The following RTTN variants were observed in gnomAD, a reference collection of about 807,000 sequenced individuals.
The protein encoded by RTTN is rotatin.
A neutral mutation model predicts 269.2 loss-of-function variants in RTTN; 182 were observed. The ratio of observed to expected loss-of-function variants is 0.68; its 90% confidence interval spans 0.60 to 0.76. RTTN has a LOEUF of 0.76. Ranked by LOEUF, RTTN falls within the 30% of genes least tolerant of loss-of-function variation. The pLI is 0.00. For missense variants in RTTN, 2,545 were observed against 2,608.6 expected, an observed-to-expected ratio of 0.98 and a Z score of 0.53; for synonymous variants, 1,006 against 963.5, an observed-to-expected ratio of 1.04 and a Z score of -0.82.
At chr18:70,012,249 G>C (rs542773626) in intron 46 of RTTN, among the ~76,000 whole-genome samples, 2 of 150,126 alleles carry the variant, frequency 1.3e-5, no homozygotes, top group Non-Finnish European at 3.0e-5. Context: ...CACAGTGTCT[G>C]TTCACTGGTA....
chr18:70,062,302 A>T (rs752604334), intron 35 of RTTN, among the ~76,000 whole-genome samples: 2 of 152,180 alleles, frequency 1.3e-5, no homozygotes, highest in Non-Finnish European at 2.9e-5. Flanking sequence ...CTATACAAGA[A>T]GATACATGCA....
intron 23 of RTTN, among the ~76,000 whole-genome samples, chr18:70,133,649 C>T (rs2060052291): frequency 6.6e-6 from 1 of 151,906 alleles, no homozygotes; most frequent in Non-Finnish European, 1.5e-5. Flanking sequence ...TTATAAAGTT[C>T]AAAAACTAGC....
intron 35 of RTTN, chr18:70,061,235 T>G (rs563952136): frequency 5.2e-6 from 2 of 386,716 alleles, no homozygotes; most frequent in South Asian, 3.9e-5. Flanking sequence ...AAAATACTTT[T>G]AGACTTTAGA....
Position 70,142,346 on chromosome 18 carries a change from A to T in RTTN, c.2523T>A (p.Asp841Glu), listed in dbSNP as rs371829976. ...VEKVYEIFTS[D>E]DVDLVLRKSA... is the part of the protein sequence containing the mutation. ...ACTTTCTCAAAACGAGATCAACATC[A>T]TCTGAGGTGAAGATTTCATATACCT... Residue 841 changes from aspartate (D) to glutamate (E), a missense_variant, in exon 19 of 49, where the codon GAT (aspartate) becomes GAA (glutamate). Transcript: ENST00000640769. 1.2e-5 allele frequency: 19 copies of T among 1,608,190 alleles called. No individual in the cohort carries two copies. The African/African-American group carries it at 2.5e-4, about 22-fold the overall frequency.
At chr18:70,100,726 CTCT>C (rs2059137431) in intron 28 of RTTN, among the ~76,000 whole-genome samples, 1 of 152,140 alleles carries the variant, frequency 6.6e-6, no homozygotes, top group Non-Finnish European at 1.5e-5. Flanking sequence ...TCATAAATAG[CTCT>C]TATTATTGCG....
chr18:70,058,085 A>G (rs2057869232), intron 36 of RTTN, among the ~76,000 whole-genome samples: 1 of 152,228 alleles, frequency 6.6e-6, no homozygotes, highest in Admixed American at 6.5e-5. Flanking sequence ...ATCTAAGGAA[A>G]CCTAATTAAA....
At chr18:70,166,232 T>C (rs1293180573) in intron 13 of RTTN, 44 bp from the exon 14 acceptor site, 1 of 1,605,332 alleles carries the variant, frequency 6.2e-7, no homozygotes. Flanking sequence ...GGCAAGTAAG[T>C]TAGTAAGCAA....
intron 40 of RTTN, among the ~76,000 whole-genome samples, chr18:70,039,468 A>C (rs1325635588): frequency 6.6e-6 from 1 of 152,174 alleles, no homozygotes; most frequent in Non-Finnish European, 1.5e-5. Flanking sequence ...CGATGAAACT[A>C]TCCTTCAAGT....
In RTTN at chr18:70,016,572, G is replaced by A. The variant is rs1196508645; in HGVS notation, c.6421+835C>T. Among the ~76,000 whole-genome samples the A allele has an allele frequency of 3.3e-5, 5 of 152,106 alleles. 1 individual carries two copies. The highest frequency in any genetic ancestry group is 1.2e-4 in the African/African-American group (5 of 41,412). ...GTCTTTTATAAAACTCACTCCCCAC[G>A]AAATTCACATACTCCTCACAGAGAT... On this transcript the variant is annotated intron_variant, in intron 46 of 48. Coordinates refer to ENST00000640769, the MANE Select transcript of RTTN (RefSeq NM_173630.4).
intron 10 of RTTN, among the ~76,000 whole-genome samples, chr18:70,177,652 C>T (rs2061334938): frequency 6.6e-6 from 1 of 151,844 alleles, no homozygotes; most frequent in South Asian, 2.1e-4. Context: ...TTCAATTTTC[C>T]ATTGAAAACA....
intron 14 of RTTN, among the ~76,000 whole-genome samples, chr18:70,157,145 C>T (rs1222881708): frequency 6.6e-6 from 1 of 152,198 alleles, no homozygotes; most frequent in Non-Finnish European, 1.5e-5. Context: ...ATGGTTACCC[C>T]CACCACAAGT....
intron 23 of RTTN, chr18:70,131,732 C>G (rs1395657590): frequency 2.0e-5 from 3 of 151,226 alleles, no homozygotes; most frequent in South Asian, 4.2e-4. Flanking sequence ...AAGTTAACAG[C>G]TGGAAAACAT....
intron 4 of RTTN, among the ~76,000 whole-genome samples, chr18:70,201,357 C>T (rs2061940142): frequency 6.6e-6 from 1 of 152,002 alleles, no homozygotes; most frequent in South Asian, 2.1e-4. Flanking sequence ...AATCCCAGCA[C>T]TTTGGGAGGC....
chr18:70,098,774 C>T (rs1025364950), intron 28 of RTTN, among the ~76,000 whole-genome samples: 1 of 152,126 alleles, frequency 6.6e-6, no homozygotes, highest in Non-Finnish European at 1.5e-5. Context: ...GGTATATCTC[C>T]TGATGCTATC....
chr18:70,201,823 C>A, intron 4 of RTTN, 71 bp downstream of exon 4: 1 of 910,496 alleles, frequency 1.1e-6, no homozygotes, highest in Non-Finnish European at 1.7e-6. Context: ...TACATCTTCA[C>A]AATAACGAAA....
intron 29 of RTTN, among the ~76,000 whole-genome samples, 187 bp from the exon 30 acceptor site, chr18:70,092,407 A>C (rs2058874708): frequency 6.6e-6 from 1 of 152,254 alleles, no homozygotes; most frequent in South Asian, 2.1e-4. Context: ...TAAACATAAC[A>C]ATTTTTTGAC....
chr18:70,172,558 T>C (rs76809427), intron 11 of RTTN, among the ~76,000 whole-genome samples: 4,429 of 152,210 alleles, frequency 0.029, 232 homozygotes, highest in African/African-American at 0.1. Flanking sequence ...TAAAAACAAA[T>C]ACCTTAATTA....
chr18:70,153,340 A>T (rs972222948), intron 14 of RTTN, among the ~76,000 whole-genome samples: 1 of 152,026 alleles, frequency 6.6e-6, no homozygotes, highest in Non-Finnish European at 1.5e-5. Flanking sequence ...GTATTTAAGG[A>T]ATTTTTCTTA....
chr18:70,065,966 G>T, intron 34 of RTTN, 44 bp from the exon 35 acceptor site: 1 of 1,382,192 alleles, frequency 7.2e-7, no homozygotes, highest in Non-Finnish European at 9.9e-7. Flanking sequence ...TTACAGTACG[G>T]AAAATGAAAC....
Sources: gnomAD v4.1 joint callset for allele counts (sites outside exome capture counted in the v4.1 genomes callset) on GRCh38, gnomAD v4.1.1 for gene constraint, MANE v1.5 for transcripts, NCBI Gene and HGNC (gene_info 2026-07-23, HGNC 2026-07-21) for gene names.